Variants in DPYSL2 observed in about 807,000 individuals in gnomAD.
The protein encoded by DPYSL2 is dihydropyrimidinase-related protein 2.
DPYSL2 carries 13 observed loss-of-function variants against 69.9 expected under a neutral mutation model. The ratio of observed to expected loss-of-function variants is 0.19; its 90% CI spans 0.12 to 0.30. The LOEUF is 0.30. DPYSL2 is among the 10% of genes least tolerant of loss of function. DPYSL2 has a pLI of 1.00. For missense variants in DPYSL2, 587 were observed against 918.9 expected, an observed-to-expected ratio of 0.64 and a Z score of 4.67; for synonymous variants, 326 against 359.1, an observed-to-expected ratio of 0.91 and a Z score of 1.04.
At chr8:26,611,971 T>C (rs1802239747) in intron 3 of DPYSL2, among the ~76,000 whole-genome samples, 1 of 152,194 alleles carries the variant, frequency 6.6e-6, no homozygotes, top group Admixed American at 6.5e-5. Flanking sequence ...TTGATGAAGC[T>C]GGGAGAAGGG....
At chr8:26,568,827 A>G (rs1177309315) in intron 1 of DPYSL2, among the ~76,000 whole-genome samples, 2 of 152,118 alleles carry the variant, frequency 1.3e-5, no homozygotes, top group Admixed American at 6.5e-5. Context: ...GATCTGCGGT[A>G]TTTTCTGGCT....
intron 3 of DPYSL2, among the ~76,000 whole-genome samples, chr8:26,599,117 A>G (rs1405817620): frequency 1.3e-5 from 2 of 152,218 alleles, no homozygotes; most frequent in African/African-American, 4.8e-5. Flanking sequence ...GGAGAAGCTG[A>G]TGCATAGAAA....
intron 3 of DPYSL2, among the ~76,000 whole-genome samples, chr8:26,622,305 G>A (rs1018048297): frequency 3.3e-5 from 5 of 151,590 alleles, no homozygotes; most frequent in Admixed American, 6.6e-5. Context: ...CATTTGAACT[G>A]GACATCATTT....
rs992449765 is a variant in DPYSL2 at position 26,655,939 on chromosome 8, A to G, written c.*233A>G. ...CTACACATCTATGGGTATCACACCC[A>G]AGACTACCCACCAAGCTCATACAGG... is the stretch of plus-strand genomic sequence containing the variant. On this transcript the variant is annotated 3_prime_UTR_variant, in exon 14 of 14. Transcript: ENST00000521913. 6 of 386,832 alleles carry G rather than the reference A, an allele frequency of 1.6e-5. No individual in the cohort carries two copies. Among genetic ancestry groups the G allele is most frequent in the African/African-American group, 1.2e-4 (6 of 49,374 alleles). The allele number at this position is 386,832 out of a possible 1,614,324, so 24.0% of individuals were successfully genotyped here. A position where few individuals can be genotyped will look rare whatever the true frequency, so the allele number is the denominator to read the frequency against.
intron 1 of DPYSL2, among the ~76,000 whole-genome samples, chr8:26,522,730 A>G (rs893700589): frequency 6.6e-6 from 1 of 152,064 alleles, no homozygotes; most frequent in African/African-American, 2.4e-5. Flanking sequence ...TGAATTCTTT[A>G]TGTATTCTAG....
intron 1 of DPYSL2, among the ~76,000 whole-genome samples, chr8:26,567,818 A>C (rs74946157): frequency 0.034 from 5,227 of 152,292 alleles, 282 homozygotes; most frequent in African/African-American, 0.12. Context: ...GATGGGGAGA[A>C]GAAGAGATGA....
intron 1 of DPYSL2, among the ~76,000 whole-genome samples, chr8:26,522,471 C>T (rs903291661): frequency 2.0e-5 from 3 of 152,250 alleles, no homozygotes; most frequent in African/African-American, 4.8e-5. Context: ...CCACCAGCAA[C>T]ATTTGAAGGT....
chr8:26,632,123 C>A (rs1469642790), intron 7 of DPYSL2, among the ~76,000 whole-genome samples: 2 of 152,156 alleles, frequency 1.3e-5, no homozygotes, highest in Non-Finnish European at 2.9e-5. Context: ...CCATGTGAGA[C>A]CACCCAGTAG....
In DPYSL2 at chr8:26,644,506, T is replaced by A. The variant is rs1218742835; in HGVS notation, c.1425+415T>A. On this transcript the variant is annotated intron_variant, in intron 10 of 13. Transcript: ENST00000521913. The surrounding 1 kb of genome is among the most constrained non-coding windows in gnomAD (Gnocchi z 4.5). ...TTTATTTTTTGTGGAGATGGGGGTC[T>A]CACTATGTTGCCCAGGCTGGTCTCG... 1.3e-5 allele frequency among the ~76,000 whole-genome samples: 2 copies of A among 151,796 alleles called. No individual in the cohort carries two copies. The highest frequency in any genetic ancestry group is 2.9e-5 in the Non-Finnish European group (2 of 67,968).
At chr8:26,569,461 G>A (rs1563390345) in intron 1 of DPYSL2, among the ~76,000 whole-genome samples, 1 of 152,084 alleles carries the variant, frequency 6.6e-6, no homozygotes, top group Non-Finnish European at 1.5e-5. Flanking sequence ...GCAACAGGTG[G>A]AAGATGAAGC....
At chr8:26,569,354 C>CAAAAAAAAAAAAA (rs771471331) in intron 1 of DPYSL2, among the ~76,000 whole-genome samples, 2 of 52,292 alleles carry the variant, frequency 3.8e-5, no homozygotes, top group Non-Finnish European at 8.1e-5. Context: ...ACCCTATCTC[C>CAAAAAAAAAAAAA]AAAAAAAAAA....
intron 11 of DPYSL2, among the ~76,000 whole-genome samples, chr8:26,649,190 A>G (rs1254787611): frequency 6.6e-6 from 1 of 152,242 alleles, no homozygotes; most frequent in Non-Finnish European, 1.5e-5. Flanking sequence ...TGACCAGTCT[A>G]ATGTTACATA....
intron 1 of DPYSL2, among the ~76,000 whole-genome samples, chr8:26,568,456 G>A (rs572351985): frequency 6.6e-6 from 1 of 152,286 alleles, no homozygotes; most frequent in South Asian, 2.1e-4. Context: ...CTCACTCCTT[G>A]AAAACAAACA....
At chr8:26,636,589 G>T (rs757008775) in intron 8 of DPYSL2, among the ~76,000 whole-genome samples, 2 of 152,158 alleles carry the variant, frequency 1.3e-5, no homozygotes, top group Admixed American at 6.5e-5. Flanking sequence ...AGGTGGAGTC[G>T]TGGGCCAGCC....
intron 1 of DPYSL2, among the ~76,000 whole-genome samples, chr8:26,572,610 C>T (rs1456805804): frequency 6.6e-6 from 1 of 152,158 alleles, no homozygotes; most frequent in African/African-American, 2.4e-5. Context: ...AGTGATTTTC[C>T]AGCCTCAGCC....
chr8:26,537,179 A>G (rs187197819), intron 1 of DPYSL2, among the ~76,000 whole-genome samples: 14 of 152,286 alleles, frequency 9.2e-5, no homozygotes, highest in Admixed American at 5.2e-4. Flanking sequence ...AGGTAATATT[A>G]TTACTGCCAT....
intron 7 of DPYSL2, among the ~76,000 whole-genome samples, chr8:26,631,123 C>G (rs1227367293): frequency 6.6e-6 from 1 of 152,194 alleles, no homozygotes; most frequent in Non-Finnish European, 1.5e-5. Flanking sequence ...AAAGAAAGGG[C>G]CCTGGCTTTG....
In DPYSL2 at chr8:26,514,901, T is replaced by G. The variant is rs570929621; in HGVS notation, c.354+222T>G. On this transcript the variant is annotated intron_variant, in intron 1 of 13. Transcript: ENST00000521913. This position sits in a 1 kb window ranked among gnomAD's most constrained non-coding sequence, Gnocchi z 8.4. ...GCCCACAAAGGCTGCCCGCGTCTCC[T>G]TGAGCTTGAGAGGTGGGGCGTGGGC... Among the ~76,000 whole-genome samples, 1 of 152,246 alleles carries G rather than the reference T, an allele frequency of 6.6e-6. No individual in the cohort carries two copies. Among genetic ancestry groups the G allele is most frequent in the Non-Finnish European group, 1.5e-5 (1 of 68,004 alleles).
rs899674865 is a variant in DPYSL2, at chr8:26,640,289, T to C, written c.1127-3150T>C. 2.6e-5 allele frequency among the ~76,000 whole-genome samples: 4 copies of C among 152,174 alleles called. No homozygotes were observed. The highest frequency in any genetic ancestry group is 5.9e-5 in the Non-Finnish European group (4 of 68,020). On this transcript the variant is annotated intron_variant, in intron 8 of 13. Transcript: ENST00000521913. The surrounding 1 kb of genome is among the most constrained non-coding windows in gnomAD (Gnocchi z 4.2). ...TCCCATCCCCTGCAGTTCTTGGCCT[T>C]ATAGAGAGCCTGCCAGAGGCTGGCT...
Sources: allele counts gnomAD v4.1 joint callset (sites outside exome capture counted in the v4.1 genomes callset), GRCh38; gene constraint gnomAD v4.1.1; non-coding constraint Gnocchi (gnomAD v3.1); transcripts MANE v1.5; gene names NCBI Gene and HGNC (gene_info 2026-07-23, HGNC 2026-07-21).